The following CDADC1 variants were observed in gnomAD, a reference collection of about 807,000 sequenced individuals.
The protein encoded by CDADC1 is cytidine and dCMP deaminase domain containing 1, also known as dCTP deaminase.
In CDADC1, 39 loss-of-function variants were observed where a neutral mutation model predicts 54.9. The observed-to-expected ratio is 0.71, with a 90% CI of 0.55 to 0.93. The LOEUF is 0.93. Among genes scored for constraint, CDADC1 ranks in the 40% least tolerant of loss-of-function variants. The probability of loss-of-function intolerance (pLI) is 0.00; values close to 1 mark genes in which losing one functional copy is unlikely to be tolerated. For synonymous variants in CDADC1, 186 were observed against 204.0 expected, an observed-to-expected ratio of 0.91 and a Z score of 0.75; for missense variants, 518 against 618.8, an observed-to-expected ratio of 0.84 and a Z score of 1.73.
intron 7 of CDADC1, among the ~76,000 whole-genome samples, chr13:49,279,421 T>C (rs1953249016): frequency 6.6e-6 from 1 of 152,168 alleles, no homozygotes; most frequent in Non-Finnish European, 1.5e-5. Flanking sequence ...AGACCATTCT[T>C]GCTTCTAGCA....
chr13:49,269,898 T>C (rs552434130), intron 5 of CDADC1, among the ~76,000 whole-genome samples: 21 of 152,256 alleles, frequency 1.4e-4, no homozygotes, highest in Non-Finnish European at 2.5e-4. Flanking sequence ...TATAAGTATA[T>C]CCACTATTGT....
intron 2 of CDADC1, among the ~76,000 whole-genome samples, chr13:49,251,797 A>G (rs997739892): frequency 1.3e-5 from 2 of 152,182 alleles, no homozygotes; most frequent in African/African-American, 4.8e-5. Context: ...ATTAGCAACA[A>G]AATTTTATAC....
At chr13:49,258,609 T>C (rs1952603019) in intron 3 of CDADC1, among the ~76,000 whole-genome samples, 2 of 152,230 alleles carry the variant, frequency 1.3e-5, no homozygotes, top group Non-Finnish European at 2.9e-5. Flanking sequence ...TAATTCAGGC[T>C]CAGCCAGTCC....
At chr13:49,284,187 T>G (rs1456192936) in intron 8 of CDADC1, among the ~76,000 whole-genome samples, 2 of 152,230 alleles carry the variant, frequency 1.3e-5, no homozygotes, top group South Asian at 4.1e-4. Flanking sequence ...CTCAGTTCTT[T>G]GTTTTCTCTT....
At position 49,267,822 on chromosome 13, in the gene CDADC1, C is replaced by T. The variant is rs1343266983; in HGVS notation, c.763C>T (p.Leu255=). 3 of 1,613,202 alleles carry T rather than the reference C, an allele frequency of 1.9e-6. No individual in the cohort carries two copies. The highest frequency in any genetic ancestry group is 2.2e-5 in the South Asian group (2 of 91,060). The change falls in exon 5 of 10, where the codon CTG becomes TTG. Residue 255 remains leucine, a synonymous_variant. Transcript: ENST00000251108. ...VSNEEMHKQI[L]MTIGLENLCE... is the part of the protein sequence containing the mutation. ...AAATGAAGAAATGCATAAGCAAATA[C>T]TGATGACTATAGGTTTGGAGAACCT...
chr13:49,259,305 G>T (rs138009628), intron 3 of CDADC1, 41 bp from the exon 4 acceptor site: 2 of 1,275,068 alleles, frequency 1.6e-6, no homozygotes, highest in South Asian at 1.4e-5. Flanking sequence ...TGATTATTAG[G>T]TGTTATAACT....
rs1397485280 is a variant in CDADC1 at position 49,248,083 on chromosome 13, G to A, written c.46G>A (p.Gly16Arg). Reference protein sequence around the residue: ...QMQNLESARAGRSVSTQTGSM... With the variant: ...QMQNLESARARRSVSTQTGSM... Reference sequence around the variant, plus strand: ...GCAAAATCTGGAGAGCGCGAGGGCCGGGCGGTCAGTCAGCACCCAGACTGG... The same window carrying A: ...GCAAAATCTGGAGAGCGCGAGGGCCAGGCGGTCAGTCAGCACCCAGACTGG... Residue 16 changes from glycine to arginine, a missense_variant, in exon 1 of 10, where the codon GGG becomes AGG. Transcript: ENST00000251108. 2 of 1,553,564 alleles carry A rather than the reference G, an allele frequency of 1.3e-6. No individual in the cohort carries two copies. Among genetic ancestry groups the A allele is most frequent in the Non-Finnish European group, 1.7e-6 (2 of 1,148,268 alleles).
chr13:49,271,509 A>C (rs553774347), intron 5 of CDADC1, among the ~76,000 whole-genome samples: 1 of 152,284 alleles, frequency 6.6e-6, no homozygotes, highest in East Asian at 1.9e-4. Flanking sequence ...CCTGAGAATC[A>C]AGGGGGAGCT....
rs1458178817 is a variant in CDADC1, at chr13:49,248,004, G to C, written c.-34G>C. 2.3e-5 allele frequency: 35 copies of C among 1,543,090 alleles called. No individual in the cohort carries two copies. Among genetic ancestry groups the C allele is most frequent in the Non-Finnish European group, 3.0e-5 (34 of 1,139,312 alleles). ...GCCGAGATCATGTCTGACTGGGAGA[G>C]GTTTCCTTGGCAGCAGAGGACGCTA... On this transcript the variant is annotated 5_prime_UTR_variant, in exon 1 of 10. Transcript: ENST00000251108.
At position 49,292,387 on chromosome 13, in the gene CDADC1, G is replaced by A. The variant is rs1344802486; in HGVS notation, c.*630G>A. The A allele has an allele frequency of 3.0e-6, 3 of 992,064 alleles. No individual in the cohort carries two copies. Among genetic ancestry groups the A allele is most frequent in the Non-Finnish European group, 3.6e-6 (3 of 833,866 alleles). 61.5% of individuals were successfully genotyped at this position (992,064 alleles called of 1,614,324 possible). ...CTTTGGGTAGCAATAGGAAGAGAGT[G>A]TTATTCTGAGACAGTGTCGCTGCTT... On this transcript the variant is annotated 3_prime_UTR_variant, in exon 10 of 10. Transcript: ENST00000251108.
At position 49,267,539 on chromosome 13, in the gene CDADC1, G is replaced by T. The variant is rs1952843252; in HGVS notation, c.480G>T (p.Leu160Phe). 1 of 1,613,690 alleles carries T rather than the reference G, an allele frequency of 6.2e-7. No individual in the cohort carries two copies. The highest frequency in any genetic ancestry group is 8.5e-7 in the Non-Finnish European group (1 of 1,179,930). The change falls in exon 5 of 10, where the codon TTG (leucine) becomes TTT (phenylalanine). Residue 160 changes from leucine to phenylalanine, a missense_variant. Physicochemically the swap from Leu to Phe is conservative, Grantham distance 22. Coordinates refer to ENST00000251108, the MANE Select transcript of CDADC1 (RefSeq NM_030911.4). ...GGCCTGCTGATCCAGAAATAAGTTT[G>T]CTTACGGAGGCTTCTAGTTCTGAAG... The part of the protein sequence containing the change: ...SYWPADPEIS[L>F]LTEASSSEDA...
At position 49,293,255 on chromosome 13, in the gene CDADC1, A is replaced by G. The variant is rs1299160110; in HGVS notation, c.*1498A>G. Reference sequence around the variant, plus strand: ...TGTACACCAAACATTTTATAAATCAATCAGTAAATATTTTGTAAGACCCAA... The same window carrying G: ...TGTACACCAAACATTTTATAAATCAGTCAGTAAATATTTTGTAAGACCCAA... On this transcript the variant is annotated 3_prime_UTR_variant, in exon 10 of 10. Coordinates refer to ENST00000251108, the MANE Select transcript of CDADC1 (RefSeq NM_030911.4). 6.6e-6 allele frequency: 1 copy of G among 152,286 alleles called. No individual in the cohort carries two copies. The highest frequency in any genetic ancestry group is 1.5e-5 in the Non-Finnish European group (1 of 68,066). 9.4% of individuals were successfully genotyped at this position (152,286 alleles called of 1,614,324 possible).
intron 2 of CDADC1, among the ~76,000 whole-genome samples, chr13:49,253,333 ACTTT>A (rs1405414601): frequency 2.0e-5 from 3 of 152,104 alleles, no homozygotes; most frequent in Admixed American, 6.5e-5. Context: ...TTTTTCTCTT[ACTTT>A]CTTTACTTAC....
intron 4 of CDADC1, chr13:49,266,050 A>G (rs1161709845): frequency 2.8e-6 from 2 of 721,812 alleles, no homozygotes; most frequent in African/African-American, 1.8e-5. Context: ...ACAGTGAGTC[A>G]GGAGTACCAG....
At chr13:49,275,120 C>A (rs563549316) in intron 6 of CDADC1, among the ~76,000 whole-genome samples, 27 of 148,650 alleles carry the variant, frequency 1.8e-4, no homozygotes, top group African/African-American at 6.5e-4. Flanking sequence ...GAGTCCCCCT[C>A]TGTCACCCAG....
intron 9 of CDADC1, 111 bp from the exon 10 acceptor site, chr13:49,291,573 A>G: frequency 1.1e-6 from 1 of 902,170 alleles, no homozygotes; most frequent in Non-Finnish European, 1.6e-6. Flanking sequence ...AAATAAAGTG[A>G]AAGTTCCTTT....
chr13:49,248,883 G>A lies in CDADC1; in HGVS notation c.95G>A (p.Arg32Lys), dbSNP rs1952357467. The A allele has an allele frequency of 1.9e-6, 3 of 1,606,374 alleles. No individual in the cohort carries two copies. Among genetic ancestry groups the A allele is most frequent in the Non-Finnish European group, 2.6e-6 (3 of 1,172,926 alleles). The change falls in exon 2 of 10, where the codon AGG becomes AAG. Residue 32 changes from arginine (R) to lysine (K), a missense_variant. By Grantham distance (26) the Arg-to-Lys change is conservative. Transcript: ENST00000251108. The stretch of plus-strand genomic sequence containing the variant: ...GTCTCTTTTGTAGGTCAGATACCAA[G>A]GCTTTCTAAAGTCAACCTTTTCACT... ...QTGSMTGQIP[R>K]LSKVNLFTLL...
chr13:49,250,697 TTA>T (rs1422053790), intron 2 of CDADC1, among the ~76,000 whole-genome samples: 1 of 152,186 alleles, frequency 6.6e-6, no homozygotes, highest in Non-Finnish European at 1.5e-5. Context: ...AGTTTAGATT[TTA>T]TCTTATCAAT....
intron 2 of CDADC1, among the ~76,000 whole-genome samples, chr13:49,253,321 C>T (rs1324525969): frequency 6.6e-6 from 1 of 152,146 alleles, no homozygotes; most frequent in African/African-American, 2.4e-5. Context: ...GTTTCTCAGT[C>T]TTTTTTCTCT....
Sources: allele counts gnomAD v4.1 joint callset (sites outside exome capture counted in the v4.1 genomes callset), GRCh38; gene constraint gnomAD v4.1.1; transcripts MANE v1.5; gene names NCBI Gene and HGNC (gene_info 2026-07-23, HGNC 2026-07-21).